STK32B: variants seen among roughly 807,000 people sequenced by gnomAD.
The protein encoded by STK32B is serine/threonine kinase 32B.
Under a neutral mutation model 52.6 loss-of-function variants are expected in STK32B, and 43 were observed. That is an observed-to-expected ratio of 0.82 (90% CI 0.64 to 1.05). The LOEUF is 1.05. Among genes scored for constraint, STK32B ranks in the 50% least tolerant of loss-of-function variants. The pLI is 0.00. For synonymous variants in STK32B, 238 were observed against 204.3 expected, an observed-to-expected ratio of 1.17 and a Z score of -1.41; for missense variants, 621 against 534.6, an observed-to-expected ratio of 1.16 and a Z score of -1.59.
intron 4 of STK32B, among the ~76,000 whole-genome samples, chr4:5,335,689 C>T (rs926348499): frequency 2.0e-5 from 3 of 151,908 alleles, no homozygotes; most frequent in Admixed American, 6.6e-5. Flanking sequence ...TCTTTGTTCT[C>T]GTTGGTTTCA....
At position 5,460,222 on chromosome 4, in the gene STK32B, G is replaced by A; in HGVS notation, c.903G>A (p.Val301=). The A allele has an allele frequency of 6.2e-7, 1 of 1,611,316 alleles. No individual in the cohort carries two copies. The highest frequency in any genetic ancestry group is 1.7e-4 in the Middle Eastern group (1 of 5,752). The change falls in exon 9 of 12, where the codon GTG becomes GTA. Residue 301 remains valine, a synonymous_variant. Transcript: ENST00000282908. This position sits in a 1 kb window ranked among gnomAD's most constrained non-coding sequence, Gnocchi z 4.8. ...VFKKALMPGF[V]PNKGRLNCDP... ...AGAAGGCACTGATGCCCGGCTTTGT[G>A]CCCAATGTGAGTGGAAGTCCCACCT...
rs147154381 is a variant in STK32B at position 5,362,391 on chromosome 4, T to G, written c.434+30998T>G. ...ATTCAAAACCCTCCTGGTTCACCTC[T>G]CTGCCTCAATGCATCACCATCTCTC... On this transcript the variant is annotated intron_variant, in intron 4 of 11. Coordinates refer to ENST00000282908, the MANE Select transcript of STK32B (RefSeq NM_018401.3). Among the ~76,000 whole-genome samples, 911 of 152,334 alleles carry G rather than the reference T, an allele frequency of 6.0e-3. 9 individuals carry two copies. Among genetic ancestry groups the G allele is most frequent in the African/African-American group, 0.02 (823 of 41,584 alleles).
At chr4:5,170,008 T>C (rs1719229779) in intron 3 of STK32B, among the ~76,000 whole-genome samples, 2 of 152,234 alleles carry the variant, frequency 1.3e-5, no homozygotes, top group Non-Finnish European at 2.9e-5. Context: ...CGCTACCTCC[T>C]TGTTACTGCA....
chr4:5,021,816 A>G, the STK32B span, among the ~76,000 whole-genome samples: 2 of 152,156 alleles, frequency 1.3e-5, no homozygotes, highest in Non-Finnish European at 2.9e-5. Flanking sequence ...AAGTGGCTGT[A>G]GCCATAAGCT....
At chr4:5,061,957 C>T (rs1347412177) in intron 1 of STK32B, among the ~76,000 whole-genome samples, 1 of 152,192 alleles carries the variant, frequency 6.6e-6, no homozygotes, top group Admixed American at 6.5e-5. Flanking sequence ...AAAGTTCTTT[C>T]TTCCCTTGAT....
intron 4 of STK32B, among the ~76,000 whole-genome samples, chr4:5,355,021 G>A (rs564582699): frequency 6.6e-6 from 1 of 152,178 alleles, no homozygotes; most frequent in South Asian, 2.1e-4. Flanking sequence ...CTCCCTAAGA[G>A]CCTCCAGAAG....
At chr4:5,284,115 T>A (rs563985246) in intron 3 of STK32B, among the ~76,000 whole-genome samples, 36 of 152,142 alleles carry the variant, frequency 2.4e-4, no homozygotes, top group Non-Finnish European at 2.5e-4. Flanking sequence ...AGTGAATGCA[T>A]AAGTTTTTGT....
chr4:5,478,610 G>A (rs3774811), intron 11 of STK32B, among the ~76,000 whole-genome samples: 56,662 of 152,080 alleles, frequency 0.37, 12,290 homozygotes, highest in Admixed American at 0.54. Flanking sequence ...CCGGGAGACT[G>A]GAAAGATGTT....
chr4:5,021,355 G>A, the STK32B span, among the ~76,000 whole-genome samples: 3 of 152,300 alleles, frequency 2.0e-5, no homozygotes, highest in East Asian at 1.9e-4. Flanking sequence ...TAGGGACCGC[G>A]GCCTTCGGGC....
intron 6 of STK32B, among the ~76,000 whole-genome samples, chr4:5,426,189 A>G (rs1443929128): frequency 1.3e-5 from 2 of 152,110 alleles, no homozygotes; most frequent in Non-Finnish European, 2.9e-5. Context: ...ACCTCTTTCC[A>G]TTCCCACAAG....
chr4:5,439,503 G>C (rs1347112446), intron 6 of STK32B, among the ~76,000 whole-genome samples: 5 of 151,490 alleles, frequency 3.3e-5, no homozygotes, highest in Admixed American at 3.3e-4. Context: ...CTGGATATTA[G>C]CCCTTTGTCA....
chr4:5,182,302 G>T (rs1720424940), intron 3 of STK32B, among the ~76,000 whole-genome samples: 1 of 151,992 alleles, frequency 6.6e-6, no homozygotes, highest in Non-Finnish European at 1.5e-5. Flanking sequence ...CTAAACTCCT[G>T]TTAATGGTGA....
chr4:5,071,250 T>G (rs1711757583), intron 1 of STK32B, among the ~76,000 whole-genome samples: 1 of 152,172 alleles, frequency 6.6e-6, no homozygotes, highest in Non-Finnish European at 1.5e-5. Flanking sequence ...AACATGTTAC[T>G]CCACAAGAAA....
chr4:5,379,368 C>G (rs138475817), intron 4 of STK32B, among the ~76,000 whole-genome samples: 4 of 152,252 alleles, frequency 2.6e-5, no homozygotes, highest in East Asian at 3.9e-4. Flanking sequence ...TCCTTGATTT[C>G]AGGAAACACA....
chr4:5,283,069 C>T (rs778559603), intron 3 of STK32B, among the ~76,000 whole-genome samples: 1 of 152,000 alleles, frequency 6.6e-6, no homozygotes, highest in Non-Finnish European at 1.5e-5. Flanking sequence ...AACAACTCCC[C>T]ATCTCCTTCC....
At chr4:5,121,845 G>T (rs1011411878) in intron 1 of STK32B, among the ~76,000 whole-genome samples, 8 of 152,188 alleles carry the variant, frequency 5.3e-5, no homozygotes, top group African/African-American at 1.7e-4. Context: ...CAATCATCCT[G>T]TTCAGGAGAC....
In STK32B at chr4:5,264,762, G is replaced by T. The variant is rs182501065; in HGVS notation, c.261-66458G>T. ...AGATTGCGCCACTGCACTCCAGCCT[G>T]GGCAACAGAGCGAGACTCCATCTCA... On this transcript the variant is annotated intron_variant, in intron 3 of 11. Transcript: ENST00000282908. Among the ~76,000 whole-genome samples the T allele has an allele frequency of 2.0e-5, 3 of 151,978 alleles. No individual in the cohort carries two copies. In the East Asian group the frequency reaches 5.8e-4, roughly 29 times the overall value.
chr4:5,054,842 C>G (rs760672086), intron 1 of STK32B, among the ~76,000 whole-genome samples: 1 of 152,126 alleles, frequency 6.6e-6, no homozygotes, highest in Non-Finnish European at 1.5e-5. Flanking sequence ...GTGACAGGAC[C>G]GTCATCCACA....
chr4:5,061,593 C>G lies in STK32B; in HGVS notation c.52+9678C>G, dbSNP rs977154510. The stretch of plus-strand genomic sequence containing the variant: ...TGAGGCTTTGAATGATATTATATTT[C>G]CTAGAAAGATTTTCCTTCTGGTCTT... On this transcript the variant is annotated intron_variant, in intron 1 of 11. Coordinates refer to ENST00000282908, the MANE Select transcript of STK32B (RefSeq NM_018401.3). 3.3e-5 allele frequency among the ~76,000 whole-genome samples: 5 copies of G among 152,232 alleles called. No individual in the cohort carries two copies. The East Asian group carries it at 9.6e-4, about 29-fold the overall frequency.
Sources: gnomAD v4.1 joint callset for allele counts (sites outside exome capture counted in the v4.1 genomes callset) on GRCh38, gnomAD v4.1.1 for gene constraint, Gnocchi (gnomAD v3.1) non-coding constraint, MANE v1.5 for transcripts, NCBI Gene and HGNC (gene_info 2026-07-23, HGNC 2026-07-21) for gene names.